MAST4: variants seen among roughly 807,000 people sequenced by gnomAD.
MAST4 encodes the protein microtubule associated serine/threonine kinase family member 4, also known as microtubule-associated serine/threonine-protein kinase 4.
In MAST4, 89 loss-of-function variants were observed where a neutral mutation model predicts 162.7. The observed-to-expected ratio is 0.55, with a 90% CI of 0.46 to 0.65. The LOEUF (loss-of-function observed/expected upper bound fraction) is 0.65. MAST4 is among the 30% of genes least tolerant of loss of function. The probability of loss-of-function intolerance (pLI) is 0.00; values close to 1 mark genes in which losing one functional copy is unlikely to be tolerated. For missense variants in MAST4, 3,153 were observed against 3,374.0 expected, an observed-to-expected ratio of 0.93 and a Z score of 1.62; for synonymous variants, 1,479 against 1,361.1, an observed-to-expected ratio of 1.09 and a Z score of -1.91.
At position 67,165,963 on chromosome 5, in the gene MAST4, G is replaced by A; in HGVS notation, c.6784G>A (p.Asp2262Asn). ...CCCAGGCTCCCAGAACAAAGCCAGC[G>A]ATGGGATTGGCCAGGGAGAAGGTGG... ...ATPGSQNKASDGIGQGEGGPS... is the reference protein window; with the variant it reads ...ATPGSQNKASNGIGQGEGGPS... Residue 2262 changes from aspartate to asparagine, a missense_variant, in exon 29 of 29, where the codon GAT (aspartate) becomes AAT (asparagine). Around this residue, in one of 7 missense-constraint regions of MAST4, gnomAD observed 1,644 missense variants for 1,495.0 expected, o/e 1.10. Coordinates refer to ENST00000403625, the MANE Select transcript of MAST4 (RefSeq NM_001164664.2). 3 of 1,613,470 alleles carry A rather than the reference G, an allele frequency of 1.9e-6. No homozygotes were observed. The highest frequency in any genetic ancestry group is 2.5e-6 in the Non-Finnish European group (3 of 1,179,832).
intron 10 of MAST4, among the ~76,000 whole-genome samples, chr5:67,109,109 CAG>C (rs2150895943): frequency 6.6e-6 from 1 of 151,918 alleles, no homozygotes; most frequent in South Asian, 2.1e-4. Flanking sequence ...GTTTTGCTCT[CAG>C]AATATTTGTT....
chr5:66,654,247 G>C (rs1359507760), intron 1 of MAST4, among the ~76,000 whole-genome samples: 1 of 152,238 alleles, frequency 6.6e-6, no homozygotes, highest in Non-Finnish European at 1.5e-5. Context: ...CTGGGACATA[G>C]AAGTGGTACA....
Position 66,965,593 on chromosome 5 carries a change from G to C in MAST4, c.674+65611G>C, listed in dbSNP as rs1321739191. On this transcript the variant is annotated intron_variant, in intron 4 of 28. Transcript: ENST00000403625. ...GGGGAGGGATTGGTGGGGGCGGGGG[G>C]GGGGGCGGTGAAGGATAAAACCAGA... 2.8e-4 allele frequency among the ~76,000 whole-genome samples: 36 copies of C among 127,524 alleles called. No individual in the cohort carries two copies. The East Asian group carries it at 8.3e-3, about 29-fold the overall frequency. 83.7% of individuals were successfully genotyped at this position (127,524 alleles called of 152,430 possible). A position where few individuals can be genotyped will look rare whatever the true frequency, so the allele number is the denominator to read the frequency against.
In MAST4 at chr5:66,749,846, C is replaced by A. The variant is rs144265704; in HGVS notation, c.364-9863C>A. Among the ~76,000 whole-genome samples, 12 of 152,196 alleles carry A rather than the reference C, an allele frequency of 7.9e-5. No individual in the cohort carries two copies. The East Asian group carries it at 2.3e-3, about 29-fold the overall frequency. On this transcript the variant is annotated intron_variant, in intron 1 of 28. Transcript: ENST00000403625. ...TAACCACTGTGGAATTAGTATGAAA[C>A]GAATAATGAGTGTTTTAACTGTAGA...
chr5:67,104,270 G>A, intron 9 of MAST4, 96 bp from the exon 10 acceptor site: 1 of 920,758 alleles, frequency 1.1e-6, no homozygotes, highest in Non-Finnish European at 1.8e-6. Flanking sequence ...ACAACTTGTG[G>A]AGGTCTCTGA....
chr5:66,908,638 G>A (rs1235746562), intron 4 of MAST4, among the ~76,000 whole-genome samples: 1 of 152,138 alleles, frequency 6.6e-6, no homozygotes, highest in Non-Finnish European at 1.5e-5. Flanking sequence ...GAATAAAGTA[G>A]GATTGGGGGA....
intron 4 of MAST4, among the ~76,000 whole-genome samples, chr5:66,904,706 ATT>A (rs1425070960): frequency 6.6e-6 from 1 of 152,126 alleles, no homozygotes; most frequent in African/African-American, 2.4e-5. Flanking sequence ...GGTTTATGAT[ATT>A]TGATTGTGAC....
chr5:67,052,875 T>C (rs538178811), intron 4 of MAST4, among the ~76,000 whole-genome samples: 1 of 152,304 alleles, frequency 6.6e-6, no homozygotes, highest in African/African-American at 2.4e-5. Flanking sequence ...ATATATTTAA[T>C]ATTTCTGTAT....
At chr5:66,903,742 C>A (rs1342961719) in intron 4 of MAST4, among the ~76,000 whole-genome samples, 2 of 152,122 alleles carry the variant, frequency 1.3e-5, no homozygotes, top group Non-Finnish European at 2.9e-5. Flanking sequence ...CCCACTTTAT[C>A]CCTCAAAGAG....
intron 3 of MAST4, among the ~76,000 whole-genome samples, chr5:66,836,484 A>G (rs1232202532): frequency 6.6e-6 from 1 of 152,166 alleles, no homozygotes; most frequent in Non-Finnish European, 1.5e-5. Flanking sequence ...ATTATGAAAC[A>G]CATGCACGCA....
intron 1 of MAST4, among the ~76,000 whole-genome samples, chr5:66,744,873 T>G (rs1036922820): frequency 6.6e-6 from 1 of 152,208 alleles, no homozygotes; most frequent in Middle Eastern, 3.2e-3. Context: ...GAGTTTATTT[T>G]AAAGCTTTTT....
At chr5:66,686,183 A>G (rs1156690473) in intron 1 of MAST4, among the ~76,000 whole-genome samples, 2 of 151,892 alleles carry the variant, frequency 1.3e-5, no homozygotes, top group Non-Finnish European at 1.5e-5. Context: ...GGTAATATTA[A>G]CCTCTCTAAG....
In MAST4 at chr5:67,118,743, A is replaced by G; in HGVS notation, c.1653A>G (p.Ser551=). ...GTAETPETDE[S]VSSSNASLKL... Reference sequence around the variant, plus strand: ...CAGAAACACCAGAAACAGATGAATCAGTGAGTGTAAGTATATTTCTTGATG... The same window carrying G: ...CAGAAACACCAGAAACAGATGAATCGGTGAGTGTAAGTATATTTCTTGATG... The change falls in exon 13 of 29, where the codon TCA becomes TCG. Residue 551 remains serine (S), a synonymous_variant. Coordinates refer to ENST00000403625, the MANE Select transcript of MAST4 (RefSeq NM_001164664.2). 1 of 1,542,120 alleles carries G rather than the reference A, an allele frequency of 6.5e-7. No individual in the cohort carries two copies. Among genetic ancestry groups the G allele is most frequent in the East Asian group, 2.3e-5 (1 of 43,198 alleles).
At chr5:66,766,825 A>C (rs1376377690) in intron 2 of MAST4, among the ~76,000 whole-genome samples, 1 of 152,244 alleles carries the variant, frequency 6.6e-6, no homozygotes, top group East Asian at 1.9e-4. Flanking sequence ...CTGTATAAAA[A>C]TGGTGTGTGT....
intron 3 of MAST4, among the ~76,000 whole-genome samples, chr5:66,849,752 G>C (rs1053911678): frequency 6.6e-6 from 1 of 152,120 alleles, no homozygotes; most frequent in Non-Finnish European, 1.5e-5. Flanking sequence ...ATAAATATTT[G>C]TTATTTTCAA....
intron 2 of MAST4, among the ~76,000 whole-genome samples, chr5:66,788,129 T>C (rs1424469823): frequency 6.6e-6 from 1 of 152,202 alleles, no homozygotes; most frequent in Non-Finnish European, 1.5e-5. Flanking sequence ...GATATGATTA[T>C]GTATCCCACA....
At chr5:66,926,642 A>ATGTGTATATGTATATATATGTGTGTG (rs1381947246) in intron 4 of MAST4, among the ~76,000 whole-genome samples, 5 of 151,816 alleles carry the variant, frequency 3.3e-5, no homozygotes, top group African/African-American at 1.2e-4. Flanking sequence ...ATGTATATAT[A>ATGTGTATATGTATATATATGTGTGTG]TGTGTATATG....
chr5:66,837,894 A>ATATATATATATATATTTTTT (rs1554057455), intron 3 of MAST4, among the ~76,000 whole-genome samples: 1 of 53,712 alleles, frequency 1.9e-5, no homozygotes, highest in Non-Finnish European at 3.0e-5. Flanking sequence ...ATATATATAT[A>ATATATATATATATATTTTTT]TTTTTTTTTT....
intron 1 of MAST4, among the ~76,000 whole-genome samples, chr5:66,649,851 G>C (rs897768849): frequency 6.6e-6 from 1 of 152,116 alleles, no homozygotes; most frequent in Non-Finnish European, 1.5e-5. Context: ...GATTGCAGGA[G>C]CCCTAGAGTT....
Sources: gnomAD v4.1 joint callset for allele counts (sites outside exome capture counted in the v4.1 genomes callset) on GRCh38, gnomAD v4.1.1 for gene constraint, gnomAD v4.1.1 regional missense constraint, MANE v1.5 for transcripts, NCBI Gene and HGNC (gene_info 2026-07-23, HGNC 2026-07-21) for gene names.